Variants in LRRTM4 observed in about 807,000 individuals in gnomAD.
The protein encoded by LRRTM4 is leucine rich repeat transmembrane neuronal 4.
A neutral mutation model predicts 47.6 loss-of-function variants in LRRTM4; 25 were observed. That is an observed-to-expected ratio of 0.53 (90% CI 0.38 to 0.73). The LOEUF is 0.73. Ranked by LOEUF, LRRTM4 falls within the 30% of genes least tolerant of loss-of-function variation. LRRTM4 has a pLI of 0.00. For synonymous variants in LRRTM4, 311 were observed against 269.5 expected (o/e 1.15, Z -1.51); for missense variants, 638 against 713.4 (o/e 0.89, Z 1.20).
chr2:77,485,166 TA>T (rs1558765658), intron 3 of LRRTM4, among the ~76,000 whole-genome samples: 2 of 151,906 alleles, frequency 1.3e-5, no homozygotes, highest in African/African-American at 4.8e-5. Flanking sequence ...AATATAAATA[TA>T]AAATATAGAT....
intron 3 of LRRTM4, among the ~76,000 whole-genome samples, chr2:77,096,080 T>A (rs1356307378): frequency 1.3e-5 from 2 of 152,116 alleles, no homozygotes; most frequent in African/African-American, 4.8e-5. Flanking sequence ...TTAATTGGCT[T>A]AACTGAATCT....
At chr2:76,977,976 G>C (rs1328894815) in intron 3 of LRRTM4, among the ~76,000 whole-genome samples, 2 of 151,976 alleles carry the variant, frequency 1.3e-5, no homozygotes, top group African/African-American at 4.8e-5. Flanking sequence ...TGATAGCACT[G>C]GAGTTGAAAA....
intron 3 of LRRTM4, among the ~76,000 whole-genome samples, chr2:77,105,730 G>C (rs987025917): frequency 6.6e-5 from 10 of 152,080 alleles, no homozygotes; most frequent in African/African-American, 1.7e-4. Context: ...AAATATCTGT[G>C]ATTTCCTACA....
At chr2:77,004,453 G>A (rs1558791810) in intron 3 of LRRTM4, among the ~76,000 whole-genome samples, 1 of 152,174 alleles carries the variant, frequency 6.6e-6, no homozygotes, top group Admixed American at 6.5e-5. Flanking sequence ...TGGGTACACA[G>A]AAGTCAAGAA....
chr2:77,011,448 C>A (rs916618212), intron 3 of LRRTM4, among the ~76,000 whole-genome samples: 1 of 151,706 alleles, frequency 6.6e-6, no homozygotes, highest in East Asian at 2.0e-4. Context: ...TAGAGAAAAC[C>A]ATGCAAGATT....
intron 3 of LRRTM4, among the ~76,000 whole-genome samples, chr2:76,877,632 TGACTATTC>T (rs1672813895): frequency 1.3e-5 from 2 of 152,146 alleles, no homozygotes; most frequent in African/African-American, 4.8e-5. Flanking sequence ...ACAAGAAAAT[TGACTATTC>T]ATTTATTACT....
chr2:77,018,379 T>C (rs545228199), intron 3 of LRRTM4, among the ~76,000 whole-genome samples: 1 of 151,980 alleles, frequency 6.6e-6, no homozygotes, highest in Non-Finnish European at 1.5e-5. Context: ...TTTTGTTTGC[T>C]AATGGCTGGG....
chr2:77,413,430 A>T (rs1443812189), intron 3 of LRRTM4, among the ~76,000 whole-genome samples: 1 of 152,114 alleles, frequency 6.6e-6, no homozygotes, highest in Non-Finnish European at 1.5e-5. Flanking sequence ...CATTCCAAAC[A>T]GTGAAAAGTT....
At chr2:77,049,132 A>G (rs1198858013) in intron 3 of LRRTM4, among the ~76,000 whole-genome samples, 1 of 119,642 alleles carries the variant, frequency 8.4e-6, no homozygotes, top group Non-Finnish European at 1.6e-5. Context: ...TTATATATAT[A>G]TATATATATA....
At chr2:77,260,478 A>T (rs1279924246) in intron 3 of LRRTM4, among the ~76,000 whole-genome samples, 1 of 151,786 alleles carries the variant, frequency 6.6e-6, no homozygotes, top group Non-Finnish European at 1.5e-5. Flanking sequence ...ATACAAGTGG[A>T]TAACAATATT....
At chr2:77,407,631 TATTATTA>T (rs1179734839) in intron 3 of LRRTM4, among the ~76,000 whole-genome samples, 2 of 136,066 alleles carry the variant, frequency 1.5e-5, no homozygotes, top group African/African-American at 5.8e-5. Context: ...ATATATGATA[TATTATTA>T]TATAATATAT....
intron 3 of LRRTM4, among the ~76,000 whole-genome samples, chr2:77,262,970 G>A (rs1168432040): frequency 6.6e-6 from 1 of 152,012 alleles, no homozygotes; most frequent in Non-Finnish European, 1.5e-5. Context: ...CGTGATGGGA[G>A]GTTGGTTGCC....
chr2:77,158,302 AG>A (rs1672617353), intron 3 of LRRTM4, among the ~76,000 whole-genome samples: 1 of 152,232 alleles, frequency 6.6e-6, no homozygotes, highest in Non-Finnish European at 1.5e-5. Context: ...ATTTCCCACT[AG>A]GAGTGTGGAT....
chr2:77,047,882 T>C (rs2103760876), intron 3 of LRRTM4, among the ~76,000 whole-genome samples: 1 of 152,254 alleles, frequency 6.6e-6, no homozygotes, highest in Non-Finnish European at 1.5e-5. Flanking sequence ...GGCATACTTA[T>C]TCTTTGTCAA....
chr2:77,515,122 AGTATGATTAGGAT>A (rs949005380), intron 3 of LRRTM4, among the ~76,000 whole-genome samples: 6 of 151,858 alleles, frequency 4.0e-5, no homozygotes, highest in African/African-American at 1.4e-4. Flanking sequence ...ATCCACTCAA[AGTATGATTAGGAT>A]GTATGTATCC....
At chr2:77,061,225 ATAG>A (rs1489022853) in intron 3 of LRRTM4, among the ~76,000 whole-genome samples, 22 of 152,152 alleles carry the variant, frequency 1.4e-4, no homozygotes, top group Non-Finnish European at 7.4e-5. Flanking sequence ...TTTAGAGTAA[ATAG>A]TAGCACCAAT....
chr2:77,254,083 A>G (rs1256332454), intron 3 of LRRTM4, among the ~76,000 whole-genome samples: 1 of 152,108 alleles, frequency 6.6e-6, no homozygotes, highest in Non-Finnish European at 1.5e-5. Flanking sequence ...ACACAACTAT[A>G]TAGGTGTACA....
chr2:76,822,460 A>G (rs1671079888), intron 3 of LRRTM4, among the ~76,000 whole-genome samples: 1 of 151,478 alleles, frequency 6.6e-6, no homozygotes, highest in Non-Finnish European at 1.5e-5. Context: ...AAAAACTAGT[A>G]ATGTTAATGA....
At chr2:77,282,914 C>T (rs193256612) in intron 3 of LRRTM4, among the ~76,000 whole-genome samples, 1 of 151,934 alleles carries the variant, frequency 6.6e-6, no homozygotes, top group Non-Finnish European at 1.5e-5. Context: ...TAAGTAACAC[C>T]ATTTGGGGCA....
Sources: gnomAD v4.1 joint callset for allele counts (sites outside exome capture counted in the v4.1 genomes callset) on GRCh38, gnomAD v4.1.1 for gene constraint, MANE v1.5 for transcripts, NCBI Gene and HGNC (gene_info 2026-07-23, HGNC 2026-07-21) for gene names.